NKAIN3: variants seen among roughly 807,000 people sequenced by gnomAD.
NKAIN3 encodes the protein sodium/potassium transporting ATPase interacting 3, also known as sodium/potassium-transporting ATPase subunit beta-1-interacting protein 3.
Under a neutral mutation model 30.2 loss-of-function variants are expected in NKAIN3, and 25 were observed. The observed-to-expected ratio is 0.83, with a 90% confidence interval of 0.60 to 1.16. The LOEUF is 1.16. Ranked by LOEUF, NKAIN3 falls within the 50% of genes most tolerant of loss-of-function variation. The pLI, the probability that NKAIN3 is intolerant of heterozygous loss-of-function variation, is 0.00. For missense variants in NKAIN3, 225 were observed against 254.1 expected (o/e 0.89, Z 0.78); for synonymous variants, 91 against 89.6 (o/e 1.02, Z -0.09).
At chr8:62,412,475 T>C (rs992685461) in intron 1 of NKAIN3, among the ~76,000 whole-genome samples, 3 of 152,062 alleles carry the variant, frequency 2.0e-5, no homozygotes, top group African/African-American at 7.2e-5. Flanking sequence ...CCTCAAACTA[T>C]AAAAATTCCA....
intron 4 of NKAIN3, among the ~76,000 whole-genome samples, chr8:62,780,051 T>C (rs1265185196): frequency 6.6e-6 from 1 of 151,904 alleles, no homozygotes; most frequent in Non-Finnish European, 1.5e-5. Flanking sequence ...ATTGATAAAC[T>C]GCTACCCTAC....
intron 4 of NKAIN3, among the ~76,000 whole-genome samples, chr8:62,752,660 T>A (rs1563546376): frequency 6.6e-6 from 1 of 152,224 alleles, no homozygotes; most frequent in Non-Finnish European, 1.5e-5. Flanking sequence ...GCCAGTAGTG[T>A]GCTCCTAAAA....
chr8:62,690,690 A>G (rs1040189854), intron 3 of NKAIN3, among the ~76,000 whole-genome samples: 2 of 152,160 alleles, frequency 1.3e-5, no homozygotes, highest in Non-Finnish European at 2.9e-5. Context: ...CAATTTGCAG[A>G]GCTGTTAAGG....
intron 3 of NKAIN3, among the ~76,000 whole-genome samples, chr8:62,674,861 TGC>T (rs1003327066): frequency 1.3e-5 from 2 of 152,228 alleles, no homozygotes; most frequent in Non-Finnish European, 2.9e-5. Flanking sequence ...CTTGCTCTGC[TGC>T]GCCAATCACA....
intron 5 of NKAIN3, among the ~76,000 whole-genome samples, chr8:62,934,655 T>A (rs537525492): frequency 6.6e-6 from 1 of 151,874 alleles, no homozygotes; most frequent in Non-Finnish European, 1.5e-5. Flanking sequence ...GTCCAGGAGA[T>A]CCTCACAGAA....
Position 62,953,940 on chromosome 8 carries a change from C to T in NKAIN3, c.571C>T (p.Gln191Ter). ...IGGLDTHSYYQDHVELKPVKP... is the reference protein window; with the variant it reads ...IGGLDTHSYY ...TGGACTTGATACACACTCCTACTACCAGGATCATGTTGAGTTAAAGCCTGT... is the reference window on the plus strand; with the variant it reads ...TGGACTTGATACACACTCCTACTACTAGGATCATGTTGAGTTAAAGCCTGT... Residue 191 changes from glutamine (Q) to a stop codon, truncating the protein, a stop_gained, in exon 6 of 7, where the codon CAG (glutamine) becomes TAG (stop). Coordinates refer to ENST00000623646, the MANE Select transcript of NKAIN3 (RefSeq NM_001304533.3). LOFTEE classifies it high-confidence loss of function. 8.2e-6 allele frequency: 8 copies of T among 981,088 alleles called. No homozygotes were observed. Among genetic ancestry groups the T allele is most frequent in the Non-Finnish European group, 9.7e-6 (8 of 825,692 alleles). 60.8% of individuals were successfully genotyped at this position (981,088 alleles called of 1,614,324 possible).
intron 1 of NKAIN3, among the ~76,000 whole-genome samples, chr8:62,511,808 C>A (rs1204711827): frequency 6.6e-6 from 1 of 152,178 alleles, no homozygotes; most frequent in Non-Finnish European, 1.5e-5. Context: ...ACTCCTCTAT[C>A]TGATTGCAGC....
chr8:62,677,391 G>A (rs531446096), intron 3 of NKAIN3, among the ~76,000 whole-genome samples: 3 of 152,266 alleles, frequency 2.0e-5, no homozygotes, highest in African/African-American at 7.2e-5. Context: ...ATAGAGTATT[G>A]GATGTGAGAA....
intron 1 of NKAIN3, among the ~76,000 whole-genome samples, chr8:62,382,479 A>G (rs1243909502): frequency 1.3e-5 from 2 of 152,102 alleles, no homozygotes; most frequent in East Asian, 3.9e-4. Context: ...GAAATACATG[A>G]TAATTTCTGT....
intron 1 of NKAIN3, among the ~76,000 whole-genome samples, chr8:62,279,216 AT>A (rs1440602401): frequency 6.6e-6 from 1 of 151,542 alleles, no homozygotes; most frequent in East Asian, 1.9e-4. Flanking sequence ...CCCACTTTTG[AT>A]AGGGTTATTT....
At chr8:62,505,419 G>T (rs1341860444) in intron 1 of NKAIN3, among the ~76,000 whole-genome samples, 1 of 152,112 alleles carries the variant, frequency 6.6e-6, no homozygotes, top group Non-Finnish European at 1.5e-5. Flanking sequence ...TGGTACTAAA[G>T]TTTGAGAAAA....
chr8:62,626,563 A>T (rs1222489808), intron 3 of NKAIN3, among the ~76,000 whole-genome samples: 1 of 152,114 alleles, frequency 6.6e-6, no homozygotes, highest in African/African-American at 2.4e-5. Flanking sequence ...ATTATGACAC[A>T]TGTCTAAAGG....
intron 4 of NKAIN3, among the ~76,000 whole-genome samples, chr8:62,771,808 G>A (rs527520316): frequency 1.3e-5 from 2 of 151,898 alleles, no homozygotes; most frequent in South Asian, 4.2e-4. Context: ...CATATTTATT[G>A]GGTATGGGAG....
At chr8:62,266,890 C>T (rs143494298) in intron 1 of NKAIN3, among the ~76,000 whole-genome samples, 86 of 152,326 alleles carry the variant, frequency 5.6e-4, no homozygotes, top group African/African-American at 1.9e-3. Context: ...GGCTGCAGAA[C>T]TGCCTTTGAG....
chr8:62,321,630 G>A (rs1448273705), intron 1 of NKAIN3, among the ~76,000 whole-genome samples: 1 of 152,196 alleles, frequency 6.6e-6, no homozygotes, highest in Non-Finnish European at 1.5e-5. Context: ...AGCAGCGGAG[G>A]CTGCAGAACA....
chr8:62,444,192 C>G (rs1017954243), intron 1 of NKAIN3, among the ~76,000 whole-genome samples: 2 of 152,162 alleles, frequency 1.3e-5, no homozygotes, highest in Admixed American at 6.5e-5. Flanking sequence ...AAGGACAAAT[C>G]AGGGTAATTG....
At chr8:62,537,719 A>G (rs1808708368) in intron 1 of NKAIN3, among the ~76,000 whole-genome samples, 1 of 152,110 alleles carries the variant, frequency 6.6e-6, no homozygotes, top group Admixed American at 6.6e-5. Flanking sequence ...CAGAAATATC[A>G]GTTATGAATT....
chr8:62,323,422 G>T (rs890686703), intron 1 of NKAIN3, among the ~76,000 whole-genome samples: 13 of 152,164 alleles, frequency 8.5e-5, no homozygotes, highest in African/African-American at 2.9e-4. Context: ...ACAAAATGAG[G>T]TGGATTACAT....
chr8:62,797,844 A>G lies in NKAIN3; in HGVS notation c.471+50715A>G, dbSNP rs925715428. Among the ~76,000 whole-genome samples, 4 of 152,110 alleles carry G rather than the reference A, an allele frequency of 2.6e-5. 1 individual carries two copies. The highest frequency in any genetic ancestry group is 5.9e-5 in the Non-Finnish European group (4 of 68,014). ...AGTGAGCCCCTAATTCCATGTGACT[A>G]TTGTTATTATAAAAAGGGGAAATTT... On this transcript the variant is annotated intron_variant, in intron 4 of 6. Transcript: ENST00000623646.
Sources: gnomAD v4.1 joint callset for allele counts (sites outside exome capture counted in the v4.1 genomes callset) on GRCh38, gnomAD v4.1.1 for gene constraint, MANE v1.5 for transcripts, NCBI Gene and HGNC (gene_info 2026-07-23, HGNC 2026-07-21) for gene names.